ZBBX: variants seen among roughly 807,000 people sequenced by gnomAD.
ZBBX encodes the protein zinc finger B-box domain-containing protein 1.
Under a neutral mutation model 108.5 loss-of-function variants are expected in ZBBX, and 101 were observed. That is an observed-to-expected ratio of 0.93 (90% CI 0.79 to 1.10). ZBBX has a LOEUF of 1.10. ZBBX is among the 50% of genes least tolerant of loss of function. The pLI is 0.00. For synonymous variants in ZBBX, 356 were observed against 323.4 expected (o/e 1.10, Z -1.08); for missense variants, 1,009 against 941.4 (o/e 1.07, Z -0.94).
chr3:167,349,386 G>C (rs1295101557), intron 9 of ZBBX, among the ~76,000 whole-genome samples: 1 of 151,982 alleles, frequency 6.6e-6, no homozygotes, highest in East Asian at 1.9e-4. Flanking sequence ...CCATGAGAGA[G>C]AGAAGTAGCA....
intron 19 of ZBBX, among the ~76,000 whole-genome samples, chr3:167,283,524 A>ACC (rs1729170644): frequency 6.6e-6 from 1 of 152,298 alleles, no homozygotes; most frequent in South Asian, 2.1e-4. Context: ...ATTTGATGGA[A>ACC]CCTATGCCAT....
At chr3:167,308,758 T>C (rs995872853) in intron 16 of ZBBX, among the ~76,000 whole-genome samples, 3 of 152,082 alleles carry the variant, frequency 2.0e-5, no homozygotes, top group African/African-American at 7.2e-5. Flanking sequence ...TGAGAACACA[T>C]GGACACTTTA....
the ZBBX span, among the ~76,000 whole-genome samples, chr3:167,197,848 T>A: frequency 2.0e-5 from 3 of 152,324 alleles, no homozygotes; most frequent in African/African-American, 7.2e-5. Flanking sequence ...TTGTATGAAA[T>A]AATATTGACA....
the ZBBX span, among the ~76,000 whole-genome samples, chr3:167,196,580 TG>T: frequency 1.1e-4 from 16 of 152,212 alleles, no homozygotes; most frequent in Admixed American, 1.3e-4. Flanking sequence ...GACCTTTTTC[TG>T]TAGCCCAGAC....
chr3:167,404,759 A>G (rs1394151004), intron 1 of ZBBX, among the ~76,000 whole-genome samples: 1 of 152,216 alleles, frequency 6.6e-6, no homozygotes, highest in African/African-American at 2.4e-5. Context: ...ATCATTTAAC[A>G]TGGAAATAAT....
At chr3:167,368,252 C>A (rs1745639513) in intron 5 of ZBBX, among the ~76,000 whole-genome samples, 1 of 151,502 alleles carries the variant, frequency 6.6e-6, no homozygotes, top group African/African-American at 2.4e-5. Context: ...TCAGAAGAAA[C>A]AAAAGTAATG....
At chr3:167,282,209 A>T (rs749638892) in intron 20 of ZBBX, 29 bp downstream of exon 20, 1 of 1,589,932 alleles carries the variant, frequency 6.3e-7, no homozygotes, top group Non-Finnish European at 8.6e-7. Context: ...AATTAGCATT[A>T]TCTAAAGTGA....
At chr3:167,205,416 C>T in the ZBBX span, among the ~76,000 whole-genome samples, 1 of 152,164 alleles carries the variant, frequency 6.6e-6, no homozygotes, top group Non-Finnish European at 1.5e-5. Context: ...GAGCTTTAGT[C>T]TTCCATTATA....
chr3:167,236,413 T>C (rs1720232796), downstream of ZBBX, among the ~76,000 whole-genome samples: 2 of 151,798 alleles, frequency 1.3e-5, no homozygotes, highest in Non-Finnish European at 2.9e-5. Flanking sequence ...AAAGTGATGA[T>C]AATAAGCATA....
rs549441461 is a variant in ZBBX, at chr3:167,350,655, C to G, written c.433-140G>C. The G allele has an allele frequency of 6.4e-4, 311 of 489,146 alleles. 1 individual carries two copies. In the Middle Eastern group the frequency reaches 0.018, roughly 29 times the overall value. The allele number at this position is 489,146 out of a possible 1,614,324, so 30.3% of individuals were successfully genotyped here. On this transcript the variant is annotated intron_variant, in intron 8 of 21. Transcript: ENST00000675490. ...ATATCATCAGAATTGAGAAGCCTGT[C>G]CCAGGCTTCTCAACTAGTCCCTTAA...
intron 1 of ZBBX, among the ~76,000 whole-genome samples, chr3:167,395,106 T>A (rs538864391): frequency 6.6e-6 from 1 of 152,168 alleles, no homozygotes; most frequent in African/African-American, 2.4e-5. Context: ...CTAAAGCTTG[T>A]TCCCTAATCC....
At chr3:167,373,937 T>C (rs1179762740) in intron 2 of ZBBX, 150 bp from the exon 3 acceptor site, 2 of 152,216 alleles carry the variant, frequency 1.3e-5, no homozygotes, top group Admixed American at 1.3e-4. Flanking sequence ...GGGTAAACTG[T>C]ATAGCAAAAG....
chr3:167,316,954 T>G (rs1214951754), intron 14 of ZBBX, 51 bp downstream of exon 14: 3 of 1,084,460 alleles, frequency 2.8e-6, no homozygotes, highest in Non-Finnish European at 4.1e-6. Context: ...GTATACATTA[T>G]GAATTCCCTG....
At chr3:167,260,130 T>G (rs1724217822) in intron 20 of ZBBX, among the ~76,000 whole-genome samples, 1 of 152,160 alleles carries the variant, frequency 6.6e-6, no homozygotes, top group Non-Finnish European at 1.5e-5. Flanking sequence ...GTCTGGTAAT[T>G]GTTTTGTTTG....
chr3:167,215,776 T>A, the ZBBX span, among the ~76,000 whole-genome samples: 1 of 152,050 alleles, frequency 6.6e-6, no homozygotes, highest in Admixed American at 6.6e-5. Context: ...CAAAGCTAAT[T>A]TACCATGATC....
chr3:167,191,924 T>TAGAGAGAGAGAG, the ZBBX span, among the ~76,000 whole-genome samples: 5 of 125,556 alleles, frequency 4.0e-5, no homozygotes, highest in African/African-American at 1.6e-4. Flanking sequence ...TATATATATA[T>TAGAGAGAGAGAG]ATATATATAT....
At chr3:167,328,484 A>G (rs1737809853) in intron 10 of ZBBX, among the ~76,000 whole-genome samples, 1 of 151,322 alleles carries the variant, frequency 6.6e-6, no homozygotes, top group Admixed American at 6.6e-5. Flanking sequence ...TATCAAAAAA[A>G]CAGGGTTTTT....
chr3:167,178,490 G>A, the ZBBX span, among the ~76,000 whole-genome samples: 3 of 152,192 alleles, frequency 2.0e-5, no homozygotes, highest in Admixed American at 6.5e-5. Context: ...GGCTGTGTTC[G>A]ACGGGTGTTG....
the ZBBX span, among the ~76,000 whole-genome samples, chr3:167,206,036 C>A: frequency 2.0e-5 from 3 of 152,104 alleles, no homozygotes; most frequent in East Asian, 5.8e-4. Context: ...AAATTTCCAG[C>A]ATATAGTACA....
Sources: gnomAD v4.1 joint callset for allele counts (sites outside exome capture counted in the v4.1 genomes callset) on GRCh38, gnomAD v4.1.1 for gene constraint, MANE v1.5 for transcripts, NCBI Gene and HGNC (gene_info 2026-07-23, HGNC 2026-07-21) for gene names.